The following TMEM130 variants were observed in gnomAD, a reference collection of about 807,000 sequenced individuals.
TMEM130 encodes the protein transmembrane protein 130.
In TMEM130, 37 loss-of-function variants were observed where a neutral mutation model predicts 42.9. The ratio of observed to expected loss-of-function variants is 0.86; its 90% CI spans 0.66 to 1.13. The LOEUF is 1.13. TMEM130 is among the 50% of genes most tolerant of loss of function. The pLI is 0.00. For missense variants in TMEM130, 545 were observed against 562.6 expected (o/e 0.97, Z 0.32); for synonymous variants, 259 against 237.7 (o/e 1.09, Z -0.82).
chr7:98,850,169 T>A (rs1338218406), intron 6 of TMEM130, among the ~76,000 whole-genome samples: 2 of 147,836 alleles, frequency 1.4e-5, no homozygotes, highest in African/African-American at 4.9e-5. Flanking sequence ...CCACATCAGC[T>A]TCCCGAGTAG....
At chr7:98,852,682 C>T (rs971133512) in intron 5 of TMEM130, among the ~76,000 whole-genome samples, 10 of 151,948 alleles carry the variant, frequency 6.6e-5, no homozygotes, top group African/African-American at 2.4e-4. Flanking sequence ...GCAACCTTTG[C>T]CTCCTGGGTT....
Position 98,856,099 on chromosome 7 carries a change from CGCCACCACTTTGA to C in TMEM130, c.623_635del (p.Leu208ArgfsTer14). 1 of 1,614,016 alleles carries C rather than the reference CGCCACCACTTTGA, an allele frequency of 6.2e-7. No individual in the cohort carries two copies. Among genetic ancestry groups the C allele is most frequent in the Non-Finnish European group, 8.5e-7 (1 of 1,180,044 alleles). Reference sequence around the variant, plus strand: ...CATCCGGCTCCACCTCTTCCCACTCCGCCACCACTTTGAGCTTCACGGTGAAGGTCCCGATGAT... The same window carrying C: ...CATCCGGCTCCACCTCTTCCCACTCCGCTTCACGGTGAAGGTCCCGATGAT... On this transcript the variant is annotated frameshift_variant, in exon 4 of 8. Transcript: ENST00000339375. LOFTEE classifies it high-confidence loss of function.
intron 1 of TMEM130, among the ~76,000 whole-genome samples, chr7:98,867,917 T>G (rs541219398): frequency 1.7e-3 from 263 of 152,304 alleles, no homozygotes; most frequent in African/African-American, 5.9e-3. Flanking sequence ...TCACAGGGCC[T>G]GGTGCTCTAC....
At chr7:98,867,125 C>T (rs970694443) in intron 1 of TMEM130, among the ~76,000 whole-genome samples, 9 of 151,998 alleles carry the variant, frequency 5.9e-5, no homozygotes, top group African/African-American at 1.9e-4. Context: ...AAAATCAAGT[C>T]ATTTGAGTCA....
chr7:98,860,058 G>T, intron 3 of TMEM130, 121 bp downstream of exon 3: 1 of 855,082 alleles, frequency 1.2e-6, no homozygotes, highest in Non-Finnish European at 1.6e-6. Flanking sequence ...GACAGAACAA[G>T]ACTGCATCTC....
chr7:98,859,115 AAGGGAGGG>A (rs376016730), intron 3 of TMEM130, among the ~76,000 whole-genome samples: 5 of 132,510 alleles, frequency 3.8e-5, no homozygotes, highest in Non-Finnish European at 6.5e-5. Flanking sequence ...GGAAGAAAGG[AAGGGAGGG>A]AGGGAGGGAG....
In TMEM130 at chr7:98,869,624, C is replaced by G. The variant is rs903474698; in HGVS notation, c.85+153G>C. On this transcript the variant is annotated intron_variant, in intron 1 of 7. Coordinates refer to ENST00000339375, the MANE Select transcript of TMEM130 (RefSeq NM_152913.3). This position sits in a 1 kb window ranked among gnomAD's most constrained non-coding sequence, Gnocchi z 4.7. ...AAGGATGAAAGGAGAGGGGAAAGGG[C>G]GCTGCAGTGGCCTCAGCCGAGGAGG... Among the ~76,000 whole-genome samples, 1 of 152,210 alleles carries G rather than the reference C, an allele frequency of 6.6e-6. No individual in the cohort carries two copies. The highest frequency in any genetic ancestry group is 1.5e-5 in the Non-Finnish European group (1 of 68,032).
chr7:98,852,491 C>T (rs1461857841), intron 5 of TMEM130, among the ~76,000 whole-genome samples: 2 of 152,124 alleles, frequency 1.3e-5, no homozygotes, highest in Non-Finnish European at 2.9e-5. Flanking sequence ...CAACTCCTAG[C>T]CTCAAGTATT....
At chr7:98,868,972 G>GCT (rs1794968385) in intron 1 of TMEM130, among the ~76,000 whole-genome samples, 1 of 151,952 alleles carries the variant, frequency 6.6e-6, no homozygotes, top group South Asian at 2.1e-4. Flanking sequence ...TAGATCCCTT[G>GCT]CTCTCTCTCT....
chr7:98,850,273 A>ATATATATATATTTTTTTTT, intron 6 of TMEM130, among the ~76,000 whole-genome samples: 7 of 35,450 alleles, frequency 2.0e-4, no homozygotes, highest in South Asian at 1.1e-3. Flanking sequence ...ATATATATAT[A>ATATATATATATTTTTTTTT]TTTTTTTTTT....
At chr7:98,857,723 C>CT (rs781912154) in intron 3 of TMEM130, among the ~76,000 whole-genome samples, 22 of 82,250 alleles carry the variant, frequency 2.7e-4, no homozygotes, top group African/African-American at 4.3e-4. Context: ...AAAACACATC[C>CT]TTTTTTTTTT....
chr7:98,852,728 G>A (rs1428373000), intron 5 of TMEM130, among the ~76,000 whole-genome samples: 2 of 152,022 alleles, frequency 1.3e-5, no homozygotes, highest in African/African-American at 4.8e-5. Flanking sequence ...CCAAGTAGCT[G>A]GGATTACAGG....
intron 2 of TMEM130, 107 bp downstream of exon 2, chr7:98,862,988 C>G (rs1441480223): frequency 4.1e-6 from 5 of 1,233,306 alleles, no homozygotes; most frequent in East Asian, 2.3e-5. Flanking sequence ...CCTAATCCCC[C>G]AGAACCTACG....
At position 98,869,957 on chromosome 7, in the gene TMEM130, C is replaced by T; in HGVS notation, c.-96G>A. On this transcript the variant is annotated 5_prime_UTR_variant, in exon 1 of 8. Coordinates refer to ENST00000339375, the MANE Select transcript of TMEM130 (RefSeq NM_152913.3). This position sits in a 1 kb window ranked among gnomAD's most constrained non-coding sequence, Gnocchi z 4.7. Reference sequence around the variant, plus strand: ...CGGTCGCTCCTCCGGGCGCGCAGCGCGGGCGGTGCGGGGAGGTGCGGGCGC... The same window carrying T: ...CGGTCGCTCCTCCGGGCGCGCAGCGTGGGCGGTGCGGGGAGGTGCGGGCGC... 2.3e-6 allele frequency: 2 copies of T among 888,862 alleles called. No individual in the cohort carries two copies. Among genetic ancestry groups the T allele is most frequent in the East Asian group, 3.4e-5 (1 of 29,538 alleles). The allele number at this position is 888,862 out of a possible 1,614,324, so 55.1% of individuals were successfully genotyped here.
In TMEM130 at chr7:98,860,328, C is replaced by T; in HGVS notation, c.402G>A (p.Val134=). Residue 134 remains valine, a synonymous_variant, in exon 3 of 8, where the codon GTG becomes GTA. Coordinates refer to ENST00000339375, the MANE Select transcript of TMEM130 (RefSeq NM_152913.3). Reference sequence around the variant, plus strand: ...TGTTCTGGGTGACAACAAGGTCCCCCACGAGGAACTCTGGGAGAGAGAGAG... The same window carrying T: ...TGTTCTGGGTGACAACAAGGTCCCCTACGAGGAACTCTGGGAGAGAGAGAG... The part of the protein sequence containing the change: ...FVVLPITEFL[V]GDLVVTQNTS... The T allele has an allele frequency of 1.3e-6, 2 of 1,590,576 alleles. No individual in the cohort carries two copies. The highest frequency in any genetic ancestry group is 8.6e-7 in the Non-Finnish European group (1 of 1,166,280).
intron 2 of TMEM130, 126 bp from the exon 3 acceptor site, chr7:98,860,464 T>C (rs948217082): frequency 9.8e-7 from 1 of 1,016,320 alleles, no homozygotes; most frequent in Non-Finnish European, 1.4e-6. Context: ...CTGTCAGAGC[T>C]AGGCAGGGAG....
chr7:98,855,920 G>C, intron 4 of TMEM130, 97 bp downstream of exon 4: 2 of 1,385,040 alleles, frequency 1.4e-6, no homozygotes. Flanking sequence ...GGCTCCAGAA[G>C]ACAGGGCGTG....
intron 5 of TMEM130, among the ~76,000 whole-genome samples, chr7:98,853,972 T>C (rs1562906575): frequency 6.6e-6 from 1 of 152,172 alleles, no homozygotes; most frequent in Non-Finnish European, 1.5e-5. Flanking sequence ...TTTTGCCTGC[T>C]GGTGCAAGCT....
At position 98,846,784 on chromosome 7, in the gene TMEM130, C is replaced by G. The variant is rs1261163873; in HGVS notation, c.*1272G>C. On this transcript the variant is annotated 3_prime_UTR_variant, in exon 8 of 8. Coordinates refer to ENST00000339375, the MANE Select transcript of TMEM130 (RefSeq NM_152913.3). ...TCCTGCTTCTTCCTTCTCAAGGCCACCTCGGGAGCAGCTGGCAGGCAAGAA... is the reference window on the plus strand; with the variant it reads ...TCCTGCTTCTTCCTTCTCAAGGCCAGCTCGGGAGCAGCTGGCAGGCAAGAA... The G allele has an allele frequency of 1.3e-5, 2 of 152,148 alleles. No individual in the cohort carries two copies. Among genetic ancestry groups the G allele is most frequent in the Admixed American group, 6.6e-5 (1 of 15,248 alleles). 9.4% of individuals were successfully genotyped at this position (152,148 alleles called of 1,614,324 possible). A position where few individuals can be genotyped will look rare whatever the true frequency, so the allele number is the denominator to read the frequency against.
Sources: allele counts gnomAD v4.1 joint callset (sites outside exome capture counted in the v4.1 genomes callset), GRCh38; gene constraint gnomAD v4.1.1; non-coding constraint Gnocchi (gnomAD v3.1); transcripts MANE v1.5; gene names NCBI Gene and HGNC (gene_info 2026-07-23, HGNC 2026-07-21).